Variants in FGF12 observed in about 807,000 individuals in gnomAD.
FGF12 encodes fibroblast growth factor 12B.
A neutral mutation model predicts 23.6 loss-of-function variants in FGF12; 14 were observed. The ratio of observed to expected loss-of-function variants is 0.59; its 90% CI spans 0.39 to 0.93. The LOEUF (loss-of-function observed/expected upper bound fraction) is 0.93. FGF12 is among the 40% of genes least tolerant of loss of function. The pLI is 0.00. For missense variants in FGF12, 175 were observed against 217.8 expected, an observed-to-expected ratio of 0.80 and a Z score of 1.24; for synonymous variants, 62 against 77.3, an observed-to-expected ratio of 0.80 and a Z score of 1.04.
At chr3:192,626,131 G>T (rs558261726) in intron 2 of FGF12, among the ~76,000 whole-genome samples, 1 of 152,246 alleles carries the variant, frequency 6.6e-6, no homozygotes, top group East Asian at 1.9e-4. Context: ...TGCTCACCAA[G>T]AATAAGTAAA....
intron 2 of FGF12, among the ~76,000 whole-genome samples, chr3:192,506,892 G>GTTT (rs34935744): frequency 2.4e-5 from 3 of 123,418 alleles, no homozygotes; most frequent in East Asian, 2.4e-4. Context: ...CATTAACTCA[G>GTTT]TTTTTTTTTT....
intron 2 of FGF12, among the ~76,000 whole-genome samples, chr3:192,652,299 A>C (rs965517522): frequency 6.6e-6 from 1 of 152,172 alleles, no homozygotes. Flanking sequence ...GGAGTATTTC[A>C]ATAGGGAGCA....
intron 2 of FGF12, among the ~76,000 whole-genome samples, chr3:192,582,081 T>C (rs1484039534): frequency 6.6e-6 from 1 of 150,978 alleles, no homozygotes; most frequent in African/African-American, 2.4e-5. Context: ...AGCAGCTATA[T>C]ATAGCTGTAC....
intron 3 of FGF12, among the ~76,000 whole-genome samples, chr3:192,338,173 G>T (rs1717507998): frequency 6.6e-6 from 1 of 151,904 alleles, no homozygotes; most frequent in Non-Finnish European, 1.5e-5. Context: ...CTGTCATCCA[G>T]CTGGAGTGCA....
chr3:192,158,330 T>TTTTCTTTCTTTC (rs1452194343), intron 5 of FGF12, among the ~76,000 whole-genome samples: 2 of 79,626 alleles, frequency 2.5e-5, no homozygotes, highest in African/African-American at 1.4e-4. Context: ...CTTTCTTTCT[T>TTTTCTTTCTTTC]TCTCTTTCTT....
intron 2 of FGF12, among the ~76,000 whole-genome samples, chr3:192,421,650 T>A (rs995775226): frequency 2.0e-5 from 3 of 151,944 alleles, no homozygotes; most frequent in African/African-American, 7.3e-5. Flanking sequence ...GAGGGGAACA[T>A]CACACATCAG....
chr3:192,367,541 T>C (rs1465026713), intron 2 of FGF12, among the ~76,000 whole-genome samples: 1 of 152,134 alleles, frequency 6.6e-6, no homozygotes, highest in Non-Finnish European at 1.5e-5. Flanking sequence ...TAAACCAAAG[T>C]CCCAGGCAAA....
rs1012950135 is a variant in FGF12 at position 192,409,428 on chromosome 3, G to A, written c.14-48890C>T. Among the ~76,000 whole-genome samples, 1 of 152,188 alleles carries A rather than the reference G, an allele frequency of 6.6e-6. No individual in the cohort carries two copies. Among genetic ancestry groups the A allele is most frequent in the Non-Finnish European group, 1.5e-5 (1 of 68,028 alleles). Reference sequence around the variant, plus strand: ...GAGGGAAGGGAGGGAAGGAAGGGGCGCCCTGGCGGGCTCGGGATCAGGTCA... The same window carrying A: ...GAGGGAAGGGAGGGAAGGAAGGGGCACCCTGGCGGGCTCGGGATCAGGTCA... On this transcript the variant is annotated intron_variant, in intron 2 of 5. Transcript: ENST00000445105. The surrounding 1 kb of genome is among the most constrained non-coding windows in gnomAD (Gnocchi z 4.8).
At chr3:192,521,595 CCCTTTT>C in intron 2 of FGF12, among the ~76,000 whole-genome samples, 1 of 152,202 alleles carries the variant, frequency 6.6e-6, no homozygotes, top group East Asian at 1.9e-4. Context: ...GGTGTTTCCA[CCCTTTT>C]CTCCTATCAC....
intron 2 of FGF12, among the ~76,000 whole-genome samples, chr3:192,445,175 T>A (rs1722315721): frequency 1.3e-5 from 2 of 152,230 alleles, no homozygotes; most frequent in African/African-American, 2.4e-5. Flanking sequence ...ACACCAGCAA[T>A]TCACAGAGGA....
chr3:192,570,941 C>G (rs1030945006), intron 2 of FGF12, among the ~76,000 whole-genome samples: 1 of 152,098 alleles, frequency 6.6e-6, no homozygotes, highest in Non-Finnish European at 1.5e-5. Flanking sequence ...AAGTAAATGA[C>G]GTAGTAATGG....
At chr3:192,255,236 T>C (rs1406408906) in intron 4 of FGF12, among the ~76,000 whole-genome samples, 1 of 152,024 alleles carries the variant, frequency 6.6e-6, no homozygotes, top group East Asian at 1.9e-4. Context: ...AAAACCTCAA[T>C]AAAAGGTAAT....
chr3:192,604,745 C>T (rs1457745740), intron 2 of FGF12, among the ~76,000 whole-genome samples: 1 of 152,044 alleles, frequency 6.6e-6, no homozygotes, highest in Non-Finnish European at 1.5e-5. Flanking sequence ...GCCTGAATAG[C>T]AAAAACAATC....
chr3:192,575,858 G>C (rs28439230), intron 2 of FGF12, among the ~76,000 whole-genome samples: 30,764 of 151,754 alleles, frequency 0.2, 3,282 homozygotes, highest in Middle Eastern at 0.33. Flanking sequence ...TTTATGAATA[G>C]TTAATACATT....
chr3:192,573,956 A>T (rs1712766032), intron 2 of FGF12, among the ~76,000 whole-genome samples: 1 of 152,196 alleles, frequency 6.6e-6, no homozygotes, highest in African/African-American at 2.4e-5. Context: ...CTCCTTTCCC[A>T]GCCTCTTTTA....
intron 4 of FGF12, among the ~76,000 whole-genome samples, chr3:192,210,544 A>G (rs1476971349): frequency 1.3e-5 from 2 of 152,248 alleles, no homozygotes; most frequent in Non-Finnish European, 2.9e-5. Flanking sequence ...CATAGAGTAC[A>G]CAGAAAAGAG....
Position 192,143,751 on chromosome 3 carries a change from C to T in FGF12, c.*258G>A. The T allele has an allele frequency of 8.1e-6, 3 of 372,014 alleles. No homozygotes were observed. The highest frequency in any genetic ancestry group is 5.4e-5 in the South Asian group (1 of 18,414). 23.0% of individuals were successfully genotyped at this position (372,014 alleles called of 1,614,324 possible). On this transcript the variant is annotated 3_prime_UTR_variant, in exon 6 of 6. Coordinates refer to ENST00000445105, the MANE Select transcript of FGF12 (RefSeq NM_004113.6). Reference sequence around the variant, plus strand: ...AGTTTAATTTAATATTTATGGAGTTCTGATTTATTTTTTCCTTTGCTTTTA... The same window carrying T: ...AGTTTAATTTAATATTTATGGAGTTTTGATTTATTTTTTCCTTTGCTTTTA...
In FGF12 at chr3:192,409,750, G is replaced by T. The variant is rs1249142731; in HGVS notation, c.14-49212C>A. ...AGGCGGGGCCCCTAGGCCTCCTGGG[G>T]CTACCTCGCGAGGCAGCCGAGGGCG... On this transcript the variant is annotated intron_variant, in intron 2 of 5. Transcript: ENST00000445105. This position sits in a 1 kb window ranked among gnomAD's most constrained non-coding sequence, Gnocchi z 4.8. Among the ~76,000 whole-genome samples, 9 of 152,128 alleles carry T rather than the reference G, an allele frequency of 5.9e-5. No individual in the cohort carries two copies. Among genetic ancestry groups the T allele is most frequent in the African/African-American group, 2.2e-4 (9 of 41,450 alleles).
chr3:192,692,869 A>G (rs911635107), intron 2 of FGF12, among the ~76,000 whole-genome samples: 1 of 152,166 alleles, frequency 6.6e-6, no homozygotes, highest in African/African-American at 2.4e-5. Flanking sequence ...AATCAATGGG[A>G]GAAAACCAGA....
Sources: gnomAD v4.1 joint callset for allele counts (sites outside exome capture counted in the v4.1 genomes callset) on GRCh38, gnomAD v4.1.1 for gene constraint, Gnocchi (gnomAD v3.1) non-coding constraint, MANE v1.5 for transcripts, NCBI Gene and HGNC (gene_info 2026-07-23, HGNC 2026-07-21) for gene names.